The following ENTREP2 variants were observed in gnomAD, a reference collection of about 807,000 sequenced individuals.
ENTREP2 encodes protein ENTREP2.
the ENTREP2 span, among the ~76,000 whole-genome samples, chr15:29,230,385 T>C: frequency 3.2e-3 from 483 of 152,300 alleles, no homozygotes; most frequent in Non-Finnish European, 5.0e-3. Flanking sequence ...TACTCACTCA[T>C]TTAACAAATA....
chr15:29,348,583 A>G, the ENTREP2 span, among the ~76,000 whole-genome samples: 1 of 152,190 alleles, frequency 6.6e-6, no homozygotes, highest in African/African-American at 2.4e-5. Flanking sequence ...GAGCATTTCC[A>G]TTACAGGAGT....
the ENTREP2 span, among the ~76,000 whole-genome samples, chr15:29,532,292 A>C: frequency 1.5e-4 from 23 of 152,236 alleles, no homozygotes; most frequent in Non-Finnish European, 2.5e-4. Flanking sequence ...AAACTTTGAA[A>C]TATATTTTAC....
the ENTREP2 span, among the ~76,000 whole-genome samples, chr15:29,629,020 G>C: frequency 6.6e-6 from 1 of 152,156 alleles, no homozygotes; most frequent in African/African-American, 2.4e-5. Flanking sequence ...AGAGTGCTGG[G>C]ATTAGATGTG....
At chr15:29,380,996 C>T in the ENTREP2 span, among the ~76,000 whole-genome samples, 1 of 151,668 alleles carries the variant, frequency 6.6e-6, no homozygotes, top group Non-Finnish European at 1.5e-5. Context: ...GGATTACAGA[C>T]ACCCGCCAAC....
the ENTREP2 span, among the ~76,000 whole-genome samples, chr15:29,348,988 T>A: frequency 3.3e-5 from 5 of 152,358 alleles, no homozygotes; most frequent in African/African-American, 1.2e-4. Context: ...AACTCAAATA[T>A]CTCATCAACT....
the ENTREP2 span, among the ~76,000 whole-genome samples, chr15:29,599,894 A>G: frequency 1.3e-5 from 2 of 152,252 alleles, no homozygotes; most frequent in South Asian, 4.1e-4. Context: ...CTTTAGGCAA[A>G]GCACCAGCTC....
chr15:29,478,014 TATATA>T, the ENTREP2 span, among the ~76,000 whole-genome samples: 106 of 64,406 alleles, frequency 1.6e-3, no homozygotes, highest in African/African-American at 3.5e-3. Context: ...TATATATATA[TATATA>T]TTTTTTTTTT....
chr15:29,269,622 C>A, the ENTREP2 span: 2 of 1,568,778 alleles, frequency 1.3e-6, no homozygotes, highest in Non-Finnish European at 8.6e-7. Flanking sequence ...CCCGCGAAGC[C>A]CCGGGGTTTC....
At chr15:29,292,709 A>T in the ENTREP2 span, among the ~76,000 whole-genome samples, 3 of 152,216 alleles carry the variant, frequency 2.0e-5, no homozygotes, top group African/African-American at 4.8e-5. Flanking sequence ...CATAAAACAC[A>T]GAAGTGTGTA....
the ENTREP2 span, among the ~76,000 whole-genome samples, chr15:29,170,802 G>C: frequency 2.0e-5 from 3 of 152,236 alleles, no homozygotes; most frequent in African/African-American, 7.2e-5. Flanking sequence ...AGAAATAAAT[G>C]TCTGCTGTTT....
chr15:29,462,607 T>C, the ENTREP2 span, among the ~76,000 whole-genome samples: 1 of 151,594 alleles, frequency 6.6e-6, no homozygotes, highest in Non-Finnish European at 1.5e-5. Flanking sequence ...CGAAATTCGA[T>C]CTCAAAACTA....
the ENTREP2 span, among the ~76,000 whole-genome samples, chr15:29,175,525 C>T: frequency 6.1e-3 from 923 of 152,314 alleles, 9 homozygotes; most frequent in African/African-American, 0.021. Flanking sequence ...TCCAAGAATG[C>T]GTTTTGCAGT....
At chr15:29,410,730 T>C in the ENTREP2 span, among the ~76,000 whole-genome samples, 1 of 152,230 alleles carries the variant, frequency 6.6e-6, no homozygotes, top group Non-Finnish European at 1.5e-5. Context: ...CACACAGCTA[T>C]AGTTTATTCA....
the ENTREP2 span, among the ~76,000 whole-genome samples, chr15:29,434,318 A>G: frequency 6.6e-6 from 1 of 152,218 alleles, no homozygotes. Flanking sequence ...CCTTTCAAAA[A>G]GATGTTCCCT....
chr15:29,367,287 G>A, the ENTREP2 span, among the ~76,000 whole-genome samples: 1 of 152,114 alleles, frequency 6.6e-6, no homozygotes, highest in African/African-American at 2.4e-5. Context: ...AACAAAGCTG[G>A]ATCTTTTCCA....
chr15:29,583,790 T>C, the ENTREP2 span, among the ~76,000 whole-genome samples: 1 of 152,192 alleles, frequency 6.6e-6, no homozygotes, highest in Non-Finnish European at 1.5e-5. Flanking sequence ...TAGACAGACA[T>C]TGACCTAAGT....
chr15:29,395,121 C>G, the ENTREP2 span, among the ~76,000 whole-genome samples: 1 of 151,270 alleles, frequency 6.6e-6, no homozygotes, highest in Non-Finnish European at 1.5e-5. Context: ...ATCTCCTGAT[C>G]TCGTGATCCG....
At chr15:29,222,941 C>G in the ENTREP2 span, among the ~76,000 whole-genome samples, 10 of 152,348 alleles carry the variant, frequency 6.6e-5, no homozygotes, top group African/African-American at 7.2e-5. Flanking sequence ...TCATGACTTT[C>G]AGAGCTATAC....
chr15:29,200,320 A>T, the ENTREP2 span, among the ~76,000 whole-genome samples: 50 of 151,868 alleles, frequency 3.3e-4, no homozygotes, highest in African/African-American at 1.1e-3. Context: ...GAATTACAGG[A>T]GCACGCCACC....
Sources: gnomAD v4.1 joint callset for allele counts (sites outside exome capture counted in the v4.1 genomes callset) on GRCh38, gnomAD v4.1.1 for gene constraint, MANE v1.5 for transcripts, NCBI Gene and HGNC (gene_info 2026-07-23, HGNC 2026-07-21) for gene names.